CNOT10: variants seen among roughly 807,000 people sequenced by gnomAD.
CNOT10 encodes the protein CCR4-NOT transcription complex, subunit 10.
A neutral mutation model predicts 94.6 loss-of-function variants in CNOT10; 30 were observed. The ratio of observed to expected loss-of-function variants is 0.32; its 90% CI spans 0.24 to 0.43. The LOEUF is 0.43. Ranked by LOEUF, CNOT10 falls within the 20% of genes least tolerant of loss-of-function variation. The pLI is 1.00. For synonymous variants in CNOT10, 289 were observed against 301.6 expected (o/e 0.96, Z 0.43); for missense variants, 759 against 877.2 (o/e 0.87, Z 1.70).
At chr3:32,769,210 C>T (rs952045458) in intron 17 of CNOT10, 2 of 152,254 alleles carry the variant, frequency 1.3e-5, no homozygotes, top group African/African-American at 4.8e-5. Flanking sequence ...TGGGGAAGTA[C>T]AAGTTGATAA....
chr3:32,713,439 G>T, intron 5 of CNOT10, 70 bp downstream of exon 5: 1 of 1,240,856 alleles, frequency 8.1e-7, no homozygotes, highest in Non-Finnish European at 1.1e-6. Flanking sequence ...TGGTTTACTG[G>T]ATTAAAAAGA....
intron 3 of CNOT10, among the ~76,000 whole-genome samples, chr3:32,707,816 C>A (rs952810154): frequency 6.6e-6 from 1 of 152,042 alleles, no homozygotes; most frequent in Non-Finnish European, 1.5e-5. Context: ...TTATCTATGA[C>A]CTTGAGGTAT....
chr3:32,699,669 G>A (rs1439856017), intron 1 of CNOT10, among the ~76,000 whole-genome samples: 1 of 152,162 alleles, frequency 6.6e-6, no homozygotes, highest in East Asian at 1.9e-4. Context: ...GTGCGAAAGT[G>A]GAGGCTACTA....
At chr3:32,753,053 G>T (rs1274461480) in intron 13 of CNOT10, 1 of 503,304 alleles carries the variant, frequency 2.0e-6, no homozygotes, top group Admixed American at 2.4e-5. Flanking sequence ...CATAATATTA[G>T]TGTCAAAGAG....
intron 13 of CNOT10, among the ~76,000 whole-genome samples, chr3:32,752,155 G>A (rs1054136374): frequency 9.2e-5 from 14 of 152,018 alleles, no homozygotes; most frequent in African/African-American, 3.1e-4. Flanking sequence ...AGGAGTGGTG[G>A]TGCATGCCAT....
intron 3 of CNOT10, 39 bp downstream of exon 3, chr3:32,705,011 C>A (rs745746921): frequency 1.5e-6 from 2 of 1,321,854 alleles, no homozygotes; most frequent in Non-Finnish European, 2.0e-6. Flanking sequence ...AAATATTGTT[C>A]TGTTCTTTAA....
At chr3:32,767,926 T>C (rs1296865540) in intron 17 of CNOT10, among the ~76,000 whole-genome samples, 1 of 152,146 alleles carries the variant, frequency 6.6e-6, no homozygotes, top group African/African-American at 2.4e-5. Flanking sequence ...CCATGGCTGC[T>C]GCCACGCTGG....
chr3:32,692,522 G>A (rs1205522297), intron 1 of CNOT10, among the ~76,000 whole-genome samples: 1 of 152,164 alleles, frequency 6.6e-6, no homozygotes, highest in Non-Finnish European at 1.5e-5. Context: ...AGTACATAAT[G>A]TCAGGTTATC....
chr3:32,758,157 A>G (rs1559514900), intron 13 of CNOT10, among the ~76,000 whole-genome samples: 1 of 152,190 alleles, frequency 6.6e-6, no homozygotes, highest in Non-Finnish European at 1.5e-5. Context: ...CTAATCACAC[A>G]CTAAGCTAAA....
chr3:32,773,543 G>A lies in CNOT10; in HGVS notation c.2167G>A (p.Val723Met), dbSNP rs146244062. The change falls in exon 19 of 19, where the codon GTG (valine) becomes ATG (methionine). Residue 723 changes from valine to methionine, a missense_variant. Physicochemically the swap from Val to Met is conservative, Grantham distance 21 (BLOSUM62 1). Coordinates refer to ENST00000328834, the MANE Select transcript of CNOT10 (RefSeq NM_015442.3). Reference sequence around the variant, plus strand: ...ACACTCTGAAGTGAGAAAGAAGCCAGTGTTTCAGCCTGTCCACCCGATCCA... The same window carrying A: ...ACACTCTGAAGTGAGAAAGAAGCCAATGTTTCAGCCTGTCCACCCGATCCA... ...KTHSEVRKKPVFQPVHPIQPI... is the reference protein window; with the variant it reads ...KTHSEVRKKPMFQPVHPIQPI... 6.2e-7 allele frequency: 1 copy of A among 1,614,192 alleles called. No homozygotes were observed. Among genetic ancestry groups the A allele is most frequent in the Middle Eastern group, 1.6e-4 (1 of 6,062 alleles).
chr3:32,730,802 C>T (rs913171382), intron 10 of CNOT10: 2 of 152,148 alleles, frequency 1.3e-5, no homozygotes, highest in South Asian at 4.1e-4. Context: ...TTGGCAGAGG[C>T]AAGGCTTATA....
chr3:32,694,754 T>C (rs147726782), intron 1 of CNOT10, among the ~76,000 whole-genome samples: 1 of 152,270 alleles, frequency 6.6e-6, no homozygotes, highest in East Asian at 1.9e-4. Context: ...CACGCCCAGC[T>C]AATTTTTGTA....
intron 17 of CNOT10, among the ~76,000 whole-genome samples, chr3:32,768,730 C>T (rs1301377298): frequency 6.6e-6 from 1 of 152,212 alleles, no homozygotes; most frequent in African/African-American, 2.4e-5. Context: ...AGCCTCCCCA[C>T]CTCATTCATG....
intron 1 of CNOT10, among the ~76,000 whole-genome samples, chr3:32,691,883 C>T (rs1696862497): frequency 6.6e-6 from 1 of 151,986 alleles, no homozygotes; most frequent in Non-Finnish European, 1.5e-5. Context: ...TGGTGAAACC[C>T]TGTCTCTACC....
chr3:32,721,219 A>G (rs1468681387), intron 8 of CNOT10, among the ~76,000 whole-genome samples: 1 of 150,336 alleles, frequency 6.7e-6, no homozygotes, highest in Non-Finnish European at 1.5e-5. Context: ...ACGCACCACC[A>G]TGCTCAGCTA....
intron 1 of CNOT10, among the ~76,000 whole-genome samples, chr3:32,698,908 C>T (rs922458063): frequency 1.1e-4 from 16 of 152,210 alleles, no homozygotes; most frequent in African/African-American, 3.6e-4. Context: ...ACCTTCGCCT[C>T]GCTTGTAGCT....
rs755141852 is a variant in CNOT10, at chr3:32,713,270, G to A, written c.474G>A (p.Leu158=). 2 of 1,591,618 alleles carry A rather than the reference G, an allele frequency of 1.3e-6. No homozygotes were observed. Among genetic ancestry groups the A allele is most frequent in the South Asian group, 2.3e-5 (2 of 86,126 alleles). Residue 158 remains leucine, a synonymous_variant, in exon 5 of 19, where the codon CTG becomes CTA. Transcript: ENST00000328834. ...CAGTGTGTTTTTTGCTTGTAGACCT[G>A]TATATATTAACCTACCAAGCTGAGA... ...AQAVCFLLVD[L]YILTYQAEKA... is the part of the protein sequence containing the mutation.
chr3:32,744,668 G>A (rs1303410341), intron 13 of CNOT10, among the ~76,000 whole-genome samples: 2 of 152,036 alleles, frequency 1.3e-5, no homozygotes, highest in Admixed American at 1.3e-4. Flanking sequence ...CAACTAACTA[G>A]TTTAACTGTT....
intron 18 of CNOT10, among the ~76,000 whole-genome samples, chr3:32,771,635 G>A (rs536242948): frequency 6.6e-6 from 1 of 151,956 alleles, no homozygotes; most frequent in Non-Finnish European, 1.5e-5. Flanking sequence ...TATCTATCTA[G>A]ATAGATAGAT....
Sources: allele counts gnomAD v4.1 joint callset (sites outside exome capture counted in the v4.1 genomes callset), GRCh38; gene constraint gnomAD v4.1.1; transcripts MANE v1.5; gene names NCBI Gene and HGNC (gene_info 2026-07-23, HGNC 2026-07-21).